Variants in ZNF532 observed in about 807,000 individuals in gnomAD.
The protein encoded by ZNF532 is zinc finger protein 532.
Under a neutral mutation model 89.3 loss-of-function variants are expected in ZNF532, and 22 were observed. That is an observed-to-expected ratio of 0.25 (90% CI 0.18 to 0.35). ZNF532 has a LOEUF of 0.35. ZNF532 is among the 10% of genes least tolerant of loss of function. The pLI is 1.00. For synonymous variants in ZNF532, 606 were observed against 649.6 expected (o/e 0.93, Z 1.02); for missense variants, 1,132 against 1,643.4 (o/e 0.69, Z 5.38).
Position 58,968,356 on chromosome 18 carries a change from C to A in ZNF532, c.3151-10699C>A, listed in dbSNP as rs143557981. ...CAGAGACTAAGCTCCCTCACTGTCA[C>A]AAACAAGCACTTTTCCTTCCAGCTC... On this transcript the variant is annotated intron_variant, in intron 7 of 9. Coordinates refer to ENST00000591808, the MANE Select transcript of ZNF532 (RefSeq NM_001375912.1). 3.4e-3 allele frequency among the ~76,000 whole-genome samples: 519 copies of A among 152,342 alleles called. 5 individuals carry two copies. The highest frequency in any genetic ancestry group is 0.012 in the African/African-American group (486 of 41,580).
intron 3 of ZNF532, among the ~76,000 whole-genome samples, chr18:58,923,081 T>G (rs2061248860): frequency 6.6e-6 from 1 of 150,532 alleles, no homozygotes; most frequent in Non-Finnish European, 1.5e-5. Context: ...TCCCAAGGAG[T>G]GAATCAGGGC....
At chr18:58,971,385 A>G (rs1201562882) in intron 7 of ZNF532, among the ~76,000 whole-genome samples, 3 of 152,236 alleles carry the variant, frequency 2.0e-5, no homozygotes, top group East Asian at 1.9e-4. Flanking sequence ...TCTATTTTCT[A>G]TTGAATGTGA....
intron 5 of ZNF532, among the ~76,000 whole-genome samples, chr18:58,940,628 G>GGATGA (rs1313418376): frequency 6.6e-6 from 1 of 152,136 alleles, no homozygotes; most frequent in Non-Finnish European, 1.5e-5. Flanking sequence ...GCTTAAGTGA[G>GGATGA]GATGAGATGA....
intron 2 of ZNF532, among the ~76,000 whole-genome samples, chr18:58,915,968 G>T (rs571138437): frequency 1.4e-4 from 21 of 152,356 alleles, no homozygotes; most frequent in African/African-American, 5.1e-4. Context: ...GAAAGAAAGA[G>T]TTGGGGGACT....
At chr18:58,872,595 G>A (rs2057078728) in intron 2 of ZNF532, among the ~76,000 whole-genome samples, 1 of 152,136 alleles carries the variant, frequency 6.6e-6, no homozygotes, top group African/African-American at 2.4e-5. Context: ...GGAGGGTGGG[G>A]CCATCAGGTA....
rs2060767370 is a variant in ZNF532 at position 58,918,468 on chromosome 18, G to A, written c.181G>A (p.Val61Ile). 5.6e-6 allele frequency: 9 copies of A among 1,614,082 alleles called. No homozygotes were observed. Among genetic ancestry groups the A allele is most frequent in the Admixed American group, 1.7e-5 (1 of 60,006 alleles). Residue 61 changes from valine (V) to isoleucine (I), a missense_variant, in exon 3 of 10, where the codon GTC becomes ATC. Val to Ile is a conservative substitution (Grantham distance 29). This residue lies in a region of ZNF532 where 302 missense variants were observed against 319.8 expected (regional missense o/e 0.94). Coordinates refer to ENST00000591808, the MANE Select transcript of ZNF532 (RefSeq NM_001375912.1). Reference protein sequence around the residue: ...SHAPSSSDVGVSVIVKNVRNI... With the variant: ...SHAPSSSDVGISVIVKNVRNI... The stretch of plus-strand genomic sequence containing the variant: ...CGCACCATCATCTTCTGATGTGGGT[G>A]TCAGCGTTATCGTCAAGAATGTTCG...
At chr18:58,939,904 T>C (rs1412601473) in intron 5 of ZNF532, 1 of 222,326 alleles carries the variant, frequency 4.5e-6, no homozygotes, top group Non-Finnish European at 8.9e-6. Flanking sequence ...AATTTTTTTT[T>C]TTTTTTGAGA....
intron 7 of ZNF532, among the ~76,000 whole-genome samples, chr18:58,971,795 T>C (rs1028337196): frequency 2.0e-5 from 3 of 152,214 alleles, no homozygotes; most frequent in African/African-American, 4.8e-5. Context: ...AAGGAAATAA[T>C]TGATTATGGA....
chr18:58,902,040 C>G (rs1250059277), intron 2 of ZNF532, among the ~76,000 whole-genome samples: 1 of 152,204 alleles, frequency 6.6e-6, no homozygotes, highest in Non-Finnish European at 1.5e-5. Flanking sequence ...CTGTTCTCCT[C>G]CAGCTTCTCT....
intron 2 of ZNF532, among the ~76,000 whole-genome samples, chr18:58,901,075 T>TAAA (rs2059571003): frequency 6.6e-6 from 1 of 152,170 alleles, no homozygotes. Context: ...CATCTGCCTG[T>TAAA]TTCTATTTCT....
Position 58,930,557 on chromosome 18 carries a change from G to A in ZNF532, c.2347-3876G>A, listed in dbSNP as rs143455976. Among the ~76,000 whole-genome samples, 520 of 151,098 alleles carry A rather than the reference G, an allele frequency of 3.4e-3. 4 individuals carry two copies. The highest frequency in any genetic ancestry group is 0.011 in the African/African-American group (447 of 40,976). On this transcript the variant is annotated intron_variant, in intron 3 of 9. Transcript: ENST00000591808. ...GCAGGAGAATTGCTTGAACCTGGGA[G>A]GCAGAGGTTGCAGTGAGCTGAGATT...
intron 2 of ZNF532, among the ~76,000 whole-genome samples, chr18:58,884,951 G>A (rs1372871606): frequency 1.3e-5 from 2 of 150,368 alleles, no homozygotes; most frequent in African/African-American, 4.9e-5. Flanking sequence ...TAAACTCACT[G>A]ATGAATCAGT....
intron 4 of ZNF532, among the ~76,000 whole-genome samples, chr18:58,936,903 A>G (rs2146540087): frequency 6.6e-6 from 1 of 152,236 alleles, no homozygotes; most frequent in South Asian, 2.1e-4. Flanking sequence ...CTTTAGCCAG[A>G]TGAGTCTAAT....
chr18:58,954,869 C>T (rs549889232), intron 7 of ZNF532, among the ~76,000 whole-genome samples: 167 of 152,004 alleles, frequency 1.1e-3, no homozygotes, highest in African/African-American at 3.7e-3. Flanking sequence ...TGCACCACCA[C>T]GCTCAGCTAA....
At chr18:58,981,296 AT>A in intron 8 of ZNF532, 173 bp from the exon 9 acceptor site, 1 of 757,096 alleles carries the variant, frequency 1.3e-6, no homozygotes, top group Admixed American at 2.4e-5. Flanking sequence ...AGACCTGTAA[AT>A]TAAGGGCCAC....
intron 7 of ZNF532, among the ~76,000 whole-genome samples, chr18:58,963,311 G>A (rs1313711610): frequency 2.6e-5 from 4 of 152,196 alleles, no homozygotes; most frequent in Non-Finnish European, 5.9e-5. Flanking sequence ...CAGGTGATAG[G>A]TGATTTGAAT....
intron 2 of ZNF532, among the ~76,000 whole-genome samples, chr18:58,868,758 T>A (rs996288197): frequency 1.3e-5 from 2 of 152,226 alleles, no homozygotes; most frequent in African/African-American, 4.8e-5. Context: ...TGAAACAGGT[T>A]TTTGTGTGAA....
chr18:58,948,630 C>T (rs2063876620), intron 6 of ZNF532, among the ~76,000 whole-genome samples: 2 of 148,560 alleles, frequency 1.3e-5, no homozygotes, highest in Admixed American at 1.4e-4. Context: ...TGCAGTGGCA[C>T]GATCTCAGCT....
intron 7 of ZNF532, among the ~76,000 whole-genome samples, chr18:58,957,891 C>T (rs1311073260): frequency 6.6e-6 from 1 of 151,868 alleles, no homozygotes; most frequent in Admixed American, 6.6e-5. Flanking sequence ...ATGACGAAAC[C>T]CCATCTCTAC....
Sources: gnomAD v4.1 joint callset for allele counts (sites outside exome capture counted in the v4.1 genomes callset) on GRCh38, gnomAD v4.1.1 for gene constraint, gnomAD v4.1.1 regional missense constraint, MANE v1.5 for transcripts, NCBI Gene and HGNC (gene_info 2026-07-23, HGNC 2026-07-21) for gene names.